DDX1: variants seen among roughly 807,000 people sequenced by gnomAD.
DDX1 encodes the protein ATP-dependent RNA helicase DDX1.
DDX1 carries 28 observed loss-of-function variants against 108.7 expected under a neutral mutation model. That is an observed-to-expected ratio of 0.26 (90% CI 0.19 to 0.35). The LOEUF (loss-of-function observed/expected upper bound fraction) is 0.35, where lower values mean the gene tolerates loss of function less well. DDX1 is among the 10% of genes least tolerant of loss of function. The pLI, the probability that DDX1 is intolerant of heterozygous loss-of-function variation, is 1.00. For synonymous variants in DDX1, 295 were observed against 288.9 expected, an observed-to-expected ratio of 1.02 and a Z score of -0.21; for missense variants, 710 against 884.5, an observed-to-expected ratio of 0.80 and a Z score of 2.50.
At chr2:15,600,279 T>C (rs956681743) in intron 6 of DDX1, among the ~76,000 whole-genome samples, 5 of 152,340 alleles carry the variant, frequency 3.3e-5, no homozygotes, top group South Asian at 2.1e-4. Context: ...ACCTCCATCA[T>C]GCATAGAGCC....
intron 1 of DDX1, among the ~76,000 whole-genome samples, chr2:15,592,632 C>T (rs1024435505): frequency 1.3e-5 from 2 of 152,232 alleles, no homozygotes; most frequent in South Asian, 2.1e-4. Context: ...GCTTATCGAA[C>T]CCTACAGTTG....
At chr2:15,611,666 C>T (rs867783921) in intron 13 of DDX1, among the ~76,000 whole-genome samples, 5 of 103,204 alleles carry the variant, frequency 4.8e-5, no homozygotes, top group Non-Finnish European at 7.3e-5. Flanking sequence ...ACCTCCCGGA[C>T]GGGGCGGCTG....
At chr2:15,601,755 G>T (rs1002318436) in intron 6 of DDX1, among the ~76,000 whole-genome samples, 1 of 152,232 alleles carries the variant, frequency 6.6e-6, no homozygotes, top group Non-Finnish European at 1.5e-5. Flanking sequence ...TTTCTGAAAA[G>T]TGTAGGAAGA....
intron 13 of DDX1, 64 bp from the exon 14 acceptor site, chr2:15,613,160 C>A: frequency 2.7e-6 from 3 of 1,124,998 alleles, no homozygotes; most frequent in South Asian, 3.2e-5. Flanking sequence ...GGATGCAGAT[C>A]AAACAATGTA....
chr2:15,610,047 A>C (rs1665727537), intron 13 of DDX1, among the ~76,000 whole-genome samples: 1 of 152,008 alleles, frequency 6.6e-6, no homozygotes, highest in Non-Finnish European at 1.5e-5. Flanking sequence ...CAATCCTCCC[A>C]CCTAAGCCTC....
chr2:15,592,110 G>A (rs1031778272), intron 1 of DDX1, among the ~76,000 whole-genome samples, 161 bp downstream of exon 1: 2 of 152,378 alleles, frequency 1.3e-5, no homozygotes, highest in Admixed American at 1.3e-4. Flanking sequence ...GCGGGATCAG[G>A]GGCGGCCGCG....
At chr2:15,627,166 G>GT (rs1489117713) in intron 20 of DDX1, 21 bp downstream of exon 20, 1 of 1,403,614 alleles carries the variant, frequency 7.1e-7, no homozygotes, top group African/African-American at 1.4e-5. Context: ...ATAGTTGATT[G>GT]TTTCCTTAAT....
intron 14 of DDX1, among the ~76,000 whole-genome samples, chr2:15,613,662 G>T (rs1665840384): frequency 6.6e-6 from 1 of 152,136 alleles, no homozygotes; most frequent in Admixed American, 6.5e-5. Flanking sequence ...TTCCTGCAGT[G>T]ACTCTTGGGA....
chr2:15,628,910 T>C (rs1666145589), intron 23 of DDX1, 71 bp downstream of exon 23: 3 of 1,442,650 alleles, frequency 2.1e-6, no homozygotes, highest in African/African-American at 2.8e-5. Flanking sequence ...TAAAAGCAGT[T>C]TGATTTTCCC....
intron 14 of DDX1, 142 bp from the exon 15 acceptor site, chr2:15,617,102 C>CT (rs11305723): frequency 0.034 from 11,984 of 355,758 alleles, 1 homozygote; most frequent in Middle Eastern, 0.049. Flanking sequence ...TCTGTAACTC[C>CT]TTTTTTTTTT....
At chr2:15,600,740 C>CTTTTTT (rs1157559293) in intron 6 of DDX1, among the ~76,000 whole-genome samples, 49 of 73,536 alleles carry the variant, frequency 6.7e-4, no homozygotes, top group Non-Finnish European at 8.5e-4. Context: ...TTTGCATTTT[C>CTTTTTT]TTTTTTTTTT....
chr2:15,630,928 A>C lies in DDX1; in HGVS notation c.*22A>C. ...CTGATTTTTACATTTACTGAATAAG[A>C]TTTGAGTAATGAAAGTCTGTAGTCT... On this transcript the variant is annotated 3_prime_UTR_variant, in exon 26 of 26. Coordinates refer to ENST00000233084, the MANE Select transcript of DDX1 (RefSeq NM_004939.3). 6.2e-7 allele frequency: 1 copy of C among 1,611,098 alleles called. No homozygotes were observed. Among genetic ancestry groups the C allele is most frequent in the Non-Finnish European group, 8.5e-7 (1 of 1,177,670 alleles).
chr2:15,610,402 C>T (rs180755343), intron 13 of DDX1, among the ~76,000 whole-genome samples: 1 of 152,304 alleles, frequency 6.6e-6, no homozygotes. Flanking sequence ...TTAGGTTCTA[C>T]ATTTAGGTCT....
At chr2:15,606,335 C>T (rs1665661895) in intron 12 of DDX1, 71 bp downstream of exon 12, 5 of 1,080,714 alleles carry the variant, frequency 4.6e-6, no homozygotes, top group East Asian at 2.4e-5. Flanking sequence ...GTAAGTAAGG[C>T]GTCTCATAGT....
chr2:15,603,830 A>G lies in DDX1; in HGVS notation c.492A>G (p.Gly164=), dbSNP rs779962064. The change falls in exon 9 of 26, where the codon GGA becomes GGG. Residue 164 remains glycine, a synonymous_variant. Coordinates refer to ENST00000233084, the MANE Select transcript of DDX1 (RefSeq NM_004939.3). The stretch of plus-strand genomic sequence containing the variant: ...TAAATCTAGGTACTGACAAGTTTGG[A>G]TTTGGCTTTGGTGGAACAGGAAAGA... ...ASLDLGTDKF[G]FGFGGTGKKS... The G allele has an allele frequency of 1.6e-5, 26 of 1,610,420 alleles. No homozygotes were observed. Among genetic ancestry groups the G allele is most frequent in the East Asian group, 2.2e-5 (1 of 44,758 alleles).
intron 23 of DDX1, 88 bp downstream of exon 23, chr2:15,628,927 A>C: frequency 7.7e-7 from 1 of 1,306,644 alleles, no homozygotes; most frequent in Non-Finnish European, 1.1e-6. Context: ...TCCCATTTAA[A>C]TTTAATTCAG....
intron 3 of DDX1, among the ~76,000 whole-genome samples, 189 bp downstream of exon 3, chr2:15,595,742 G>C (rs181338838): frequency 5.5e-4 from 84 of 152,282 alleles, no homozygotes; most frequent in Non-Finnish European, 2.1e-4. Flanking sequence ...AGGGCAATAA[G>C]ACATGTATAA....
Position 15,607,186 on chromosome 2 carries a change from G to C in DDX1, c.829G>C (p.Val277Leu). ...VKSQHSGNAQ[V>L]TQTKFLPNAP... ...TTTTATTCCCTAAGGTAATGCACAG[G>C]TGACACAAACAAAGTTTCTCCCCAA... Residue 277 changes from valine (V) to leucine (L), a missense_variant, in exon 13 of 26, where the codon GTG (valine) becomes CTG (leucine). By Grantham distance (32) the Val-to-Leu change is conservative. This residue lies in a region of DDX1 where 661 missense variants were observed against 810.2 expected (regional missense o/e 0.82). Transcript: ENST00000233084. 1 of 1,613,998 alleles carries C rather than the reference G, an allele frequency of 6.2e-7. No homozygotes were observed. The highest frequency in any genetic ancestry group is 8.5e-7 in the Non-Finnish European group (1 of 1,179,946).
At chr2:15,619,262 A>T (rs1490524049) in intron 16 of DDX1, among the ~76,000 whole-genome samples, 1 of 152,016 alleles carries the variant, frequency 6.6e-6, no homozygotes, top group African/African-American at 2.4e-5. Context: ...CCAGGGGTGG[A>T]CTCTAGAGAC....
Sources: allele counts gnomAD v4.1 joint callset (sites outside exome capture counted in the v4.1 genomes callset), GRCh38; gene constraint gnomAD v4.1.1; regional missense constraint gnomAD v4.1.1; transcripts MANE v1.5; gene names NCBI Gene and HGNC (gene_info 2026-07-23, HGNC 2026-07-21).